The following IDH3G variants were observed in gnomAD, a reference collection of about 807,000 sequenced individuals.
The protein encoded by IDH3G is isocitrate dehydrogenase (NAD(+)) 3 non-catalytic subunit gamma.
IDH3G carries 9 observed loss-of-function variants against 26.9 expected under a neutral mutation model. That is an observed-to-expected ratio of 0.34 (90% CI 0.20 to 0.58). The LOEUF is 0.58. Among genes scored for constraint, IDH3G ranks in the 20% least tolerant of loss-of-function variants. The probability of loss-of-function intolerance (pLI) is 0.85; values close to 1 mark genes in which losing one functional copy is unlikely to be tolerated. For synonymous variants in IDH3G, 181 were observed against 160.0 expected, an observed-to-expected ratio of 1.13 and a Z score of -0.99; for missense variants, 250 against 372.8, an observed-to-expected ratio of 0.67 and a Z score of 2.71.
intron 4 of IDH3G, 153 bp from the exon 5 acceptor site, chrX:153,789,977 C>T: frequency 2.1e-6 from 1 of 483,188 alleles, no homozygotes; most frequent in Non-Finnish European, 3.6e-6. Flanking sequence ...GATGGGGACA[C>T]GCTTGAACTC....
chrX:153,789,503 C>T lies in IDH3G; in HGVS notation c.346+209G>A, dbSNP rs1309715306. Among the ~76,000 whole-genome samples the T allele has an allele frequency of 4.4e-5, 5 of 112,752 alleles. No individual in the cohort carries two copies. The East Asian group carries it at 1.1e-3, about 25-fold the overall frequency. ...AGGTTGCACTGAGCCGAGATCACAC[C>T]GCTGCACTCTAGCCTGGGCGACAGA... On this transcript the variant is annotated intron_variant, in intron 5 of 12. Transcript: ENST00000217901.
In IDH3G at chrX:153,789,051, G is replaced by A. The variant is rs969888058; in HGVS notation, c.346+661C>T. ...AGAGGACTGTCTCAGGAGGGAAGGA[G>A]GGGTGGGAGGGAACCCATCAGGGAG... On this transcript the variant is annotated intron_variant, in intron 5 of 12. Coordinates refer to ENST00000217901, the MANE Select transcript of IDH3G (RefSeq NM_004135.4). The A allele has an allele frequency of 1.8e-5, 6 of 334,492 alleles. No individual in the cohort carries two copies. The Admixed American group carries it at 1.9e-4, about 11-fold the overall frequency. 27.6% of individuals were successfully genotyped at this position (334,492 alleles called of 1,213,427 possible).
intron 7 of IDH3G, 99 bp from the exon 8 acceptor site, chrX:153,787,696 C>G (rs2092094584): frequency 8.8e-7 from 1 of 1,133,902 alleles, no homozygotes; most frequent in African/African-American, 1.8e-5. Flanking sequence ...GCAACCCTGT[C>G]TGCCTATTTC....
chrX:153,789,685 A>C (rs1557069992), intron 5 of IDH3G, 27 bp downstream of exon 5: 2 of 951,050 alleles, frequency 2.1e-6, no homozygotes, highest in Non-Finnish European at 3.0e-6. Flanking sequence ...CTAGGGCCCC[A>C]TCCTGGCCCC....
chrX:153,794,279 C>A lies in IDH3G; in HGVS notation c.48G>T (p.Val16=). The change falls in exon 1 of 13, where the codon GTG becomes GTT. Residue 16 remains valine, a synonymous_variant. Coordinates refer to ENST00000217901, the MANE Select transcript of IDH3G (RefSeq NM_004135.4). The stretch of plus-strand genomic sequence containing the variant: ...GACGGCAGAGAAGGGCTGGCCCGAG[C>A]ACCGCCTTCGCGGCGCTGCCGGCGA... ...ATVAGSAAKA[V]LGPALLCRPW... 8.3e-7 allele frequency: 1 copy of A among 1,201,710 alleles called. No individual in the cohort carries two copies.
chrX:153,789,370 C>A (rs1308369537), intron 5 of IDH3G, among the ~76,000 whole-genome samples: 1 of 112,248 alleles, frequency 8.9e-6, no homozygotes, highest in Non-Finnish European at 1.9e-5. Flanking sequence ...ATGGTGAAAC[C>A]CACTCTCTAC....
chrX:153,792,313 A>ATC (rs1219647535), intron 1 of IDH3G: 1 of 112,615 alleles, frequency 8.9e-6, no homozygotes, highest in Non-Finnish European at 1.9e-5. Flanking sequence ...ATGAAAAAAG[A>ATC]TCTGGAGACT....
At chrX:153,788,241 C>A (rs1326717889) in intron 5 of IDH3G, 106 bp from the exon 6 acceptor site, 8 of 783,082 alleles carry the variant, frequency 1.0e-5, no homozygotes, top group Non-Finnish European at 1.5e-5. Context: ...AAAAATGTTT[C>A]CTGAACACTA....
In IDH3G at chrX:153,793,021, A is replaced by G. The variant is rs1213120606; in HGVS notation, c.81+1225T>C. Among the ~76,000 whole-genome samples, 8 of 111,930 alleles carry G rather than the reference A, an allele frequency of 7.1e-5. No individual in the cohort carries two copies. In the Admixed American group the frequency reaches 7.6e-4, roughly 11 times the overall value. On this transcript the variant is annotated intron_variant, in intron 1 of 12. Coordinates refer to ENST00000217901, the MANE Select transcript of IDH3G (RefSeq NM_004135.4). ...GTCAATGGTGGCTGCATGTTTTCCT[A>G]TGGCGTCCAAATCAGTGGGATTCAA...
chrX:153,788,253 A>G, intron 5 of IDH3G, 118 bp from the exon 6 acceptor site: 1 of 693,560 alleles, frequency 1.4e-6, no homozygotes, highest in South Asian at 2.3e-5. Flanking sequence ...TGAACACTAG[A>G]ATGCTAGAAT....
chrX:153,789,027 G>GAGGACT, intron 5 of IDH3G: 1 of 324,853 alleles, frequency 3.1e-6, no homozygotes, highest in Non-Finnish European at 6.2e-6. Context: ...CCCCAGCAGA[G>GAGGACT]AGGACTGTCT....
chrX:153,788,249 C>G (rs1462837390), intron 5 of IDH3G, 114 bp from the exon 6 acceptor site: 1 of 687,010 alleles, frequency 1.5e-6, no homozygotes, highest in Non-Finnish European at 2.3e-6. Flanking sequence ...TTCCTGAACA[C>G]TAGAATGCTA....
rs369586574 is a variant in IDH3G at position 153,786,283 on chromosome X, G to A, written c.1020-11C>T. On this transcript the variant is annotated splice_polypyrimidine_tract_variant and intron_variant, in intron 11 of 12. Transcript: ENST00000217901. ...GCATAGGAGTGCAGCCTAGAGGATG[G>A]GACAGCCAGCCTTCAGTCCCTGGGG... 31 of 1,203,172 alleles carry A rather than the reference G, an allele frequency of 2.6e-5. No individual in the cohort carries two copies. In the African/African-American group the frequency reaches 5.1e-4, roughly 20 times the overall value.
intron 5 of IDH3G, among the ~76,000 whole-genome samples, 175 bp from the exon 6 acceptor site, chrX:153,788,310 G>T (rs782160169): frequency 8.9e-6 from 1 of 112,632 alleles, no homozygotes; most frequent in Non-Finnish European, 1.9e-5. Context: ...CAGGGATCTC[G>T]AAGGGCACCT....
At chrX:153,791,206 G>A in intron 1 of IDH3G, 1 of 231,842 alleles carries the variant, frequency 4.3e-6, no homozygotes, top group Non-Finnish European at 7.8e-6. Flanking sequence ...AACTAACCCT[G>A]GTACAGCAGG....
At chrX:153,787,989 T>C in intron 6 of IDH3G, 34 bp from the exon 7 acceptor site, 4 of 1,210,425 alleles carry the variant, frequency 3.3e-6, no homozygotes, top group Non-Finnish European at 4.5e-6. Context: ...CTGCTAGGCC[T>C]GACAGGTGGC....
intron 5 of IDH3G, among the ~76,000 whole-genome samples, chrX:153,788,339 T>C (rs1467899000): frequency 2.7e-5 from 3 of 112,524 alleles, no homozygotes; most frequent in East Asian, 2.8e-4. Context: ...AGGTGCTCCA[T>C]GAATAACCCC....
At chrX:153,791,169 G>A (rs2092108277) in intron 1 of IDH3G, 6 of 290,758 alleles carry the variant, frequency 2.1e-5, no homozygotes, top group African/African-American at 2.7e-5. Flanking sequence ...CCCGCTCAGC[G>A]ATGTTTGTAA....
chrX:153,788,066 G>T lies in IDH3G; in HGVS notation c.407+9C>A, dbSNP rs782629447. On this transcript the variant is annotated intron_variant, in intron 6 of 12. Coordinates refer to ENST00000217901, the MANE Select transcript of IDH3G (RefSeq NM_004135.4). ...CACCAAGCCCCCAGCCCGCACACCC[G>T]GATCTCACCGAAGGATGTTGTTTCG... is the stretch of plus-strand genomic sequence containing the variant. 5.8e-6 allele frequency: 7 copies of T among 1,210,133 alleles called. No homozygotes were observed. In the African/African-American group the frequency reaches 1.2e-4, roughly 21 times the overall value.
Sources: allele counts gnomAD v4.1 joint callset (sites outside exome capture counted in the v4.1 genomes callset), GRCh38; gene constraint gnomAD v4.1.1; transcripts MANE v1.5; gene names NCBI Gene and HGNC (gene_info 2026-07-23, HGNC 2026-07-21).